Variants in SAE1 observed in about 807,000 individuals in gnomAD.
SAE1 encodes SUMO-activating enzyme subunit 1.
A neutral mutation model predicts 40.6 loss-of-function variants in SAE1; 11 were observed. The ratio of observed to expected loss-of-function variants is 0.27; its 90% CI spans 0.17 to 0.45. The LOEUF is 0.45. Among genes scored for constraint, SAE1 ranks in the 20% least tolerant of loss-of-function variants. SAE1 has a pLI of 1.00. For synonymous variants in SAE1, 155 were observed against 154.3 expected (o/e 1.00, Z -0.03); for missense variants, 373 against 427.3 (o/e 0.87, Z 1.12).
chr19:47,145,715 GGATTA>G (rs2058251908), intron 2 of SAE1, among the ~76,000 whole-genome samples: 1 of 152,084 alleles, frequency 6.6e-6, no homozygotes, highest in South Asian at 2.1e-4. Flanking sequence ...CTAGTAGCTG[GGATTA>G]CATAATTACT....
rs1335577029 is a variant in SAE1 at position 47,209,275 on chromosome 19, G to A, written c.*24G>A. ...GAACTCAAGATTTGGCAGCCCCAGAGATGCCAACTGCAGCATGCCCACCTG... is the reference window on the plus strand; with the variant it reads ...GAACTCAAGATTTGGCAGCCCCAGAAATGCCAACTGCAGCATGCCCACCTG... On this transcript the variant is annotated 3_prime_UTR_variant, in exon 9 of 9. Coordinates refer to ENST00000270225, the MANE Select transcript of SAE1 (RefSeq NM_005500.3). 6.2e-7 allele frequency: 1 copy of A among 1,614,146 alleles called. No individual in the cohort carries two copies. Among genetic ancestry groups the A allele is most frequent in the Non-Finnish European group, 8.5e-7 (1 of 1,180,020 alleles).
intron 8 of SAE1, among the ~76,000 whole-genome samples, chr19:47,206,866 C>T (rs1420153237): frequency 6.6e-6 from 1 of 152,242 alleles, no homozygotes; most frequent in Non-Finnish European, 1.5e-5. Flanking sequence ...CTCACCAAAA[C>T]TCTAGCAGGC....
At position 47,141,146 on chromosome 19, in the gene SAE1, C is replaced by T. The variant is rs886881713; in HGVS notation, c.99-2348C>T. The stretch of plus-strand genomic sequence containing the variant: ...TGTCCCGAGTAACTGGGACTACAGG[C>T]GCCTGCCACCACGCCTGGCTAATTT... On this transcript the variant is annotated intron_variant, in intron 1 of 8. Coordinates refer to ENST00000270225, the MANE Select transcript of SAE1 (RefSeq NM_005500.3). Among the ~76,000 whole-genome samples, 9 of 152,208 alleles carry T rather than the reference C, an allele frequency of 5.9e-5. No individual in the cohort carries two copies. In the East Asian group the frequency reaches 9.7e-4, roughly 16 times the overall value.
intron 1 of SAE1, among the ~76,000 whole-genome samples, chr19:47,143,289 G>A (rs1286682759): frequency 6.6e-6 from 1 of 152,078 alleles, no homozygotes; most frequent in African/African-American, 2.4e-5. Flanking sequence ...TATTTTAGTA[G>A]AGACGGGGTT....
intron 7 of SAE1, among the ~76,000 whole-genome samples, chr19:47,198,771 AC>A (rs915088247): frequency 2.0e-5 from 3 of 152,118 alleles, no homozygotes. Flanking sequence ...TCTTTGAAGC[AC>A]CTGTGGTGCC....
intron 3 of SAE1, among the ~76,000 whole-genome samples, chr19:47,151,794 C>T (rs748694489): frequency 3.9e-5 from 6 of 152,088 alleles, no homozygotes; most frequent in Non-Finnish European, 5.9e-5. Flanking sequence ...CCAGGTGTCC[C>T]TTGAACTTGT....
At position 47,182,496 on chromosome 19, in the gene SAE1, TGCGCGCACGCACGC is replaced by T. The variant is rs1209502732; in HGVS notation, c.733+12580_733+12593del. Among the ~76,000 whole-genome samples the T allele has an allele frequency of 1.2e-4, 18 of 146,044 alleles. No individual in the cohort carries two copies. The East Asian group carries it at 1.4e-3, about 12-fold the overall frequency. On this transcript the variant is annotated intron_variant, in intron 6 of 8. Coordinates refer to ENST00000270225, the MANE Select transcript of SAE1 (RefSeq NM_005500.3). ...GTGTGTGTGTGTGTGTGTGTGTGTG[TGCGCGCACGCACGC>T]GCGCGCGCACACCACTGCCTTATCA...
intron 6 of SAE1, among the ~76,000 whole-genome samples, chr19:47,182,493 G>GTT (rs1021973816): frequency 6.9e-6 from 1 of 143,962 alleles, no homozygotes; most frequent in Non-Finnish European, 1.5e-5. Flanking sequence ...GTGTGTGTGT[G>GTT]TGTGCGCGCA....
intron 7 of SAE1, 110 bp downstream of exon 7, chr19:47,197,487 C>T: frequency 1.2e-6 from 1 of 855,844 alleles, no homozygotes; most frequent in Non-Finnish European, 1.8e-6. Context: ...GAGCACCCTG[C>T]CACATTCTGC....
At chr19:47,198,578 AAGT>A (rs1411185128) in intron 7 of SAE1, among the ~76,000 whole-genome samples, 23 of 152,308 alleles carry the variant, frequency 1.5e-4, no homozygotes, top group African/African-American at 5.5e-4. Flanking sequence ...ATCAGGTAGT[AAGT>A]AGCCAACCCA....
At chr19:47,141,458 A>T (rs2058221645) in intron 1 of SAE1, among the ~76,000 whole-genome samples, 1 of 152,152 alleles carries the variant, frequency 6.6e-6, no homozygotes, top group African/African-American at 2.4e-5. Flanking sequence ...TGAATTTTAA[A>T]CAACTGCAGA....
intron 7 of SAE1, among the ~76,000 whole-genome samples, chr19:47,202,537 C>T (rs1463289968): frequency 2.0e-5 from 3 of 151,536 alleles, no homozygotes; most frequent in Admixed American, 6.6e-5. Context: ...CCGCCCACCT[C>T]GACCTCCCAA....
At chr19:47,208,126 A>T (rs1213668393) in intron 8 of SAE1, among the ~76,000 whole-genome samples, 4 of 152,188 alleles carry the variant, frequency 2.6e-5, no homozygotes, top group Non-Finnish European at 5.9e-5. Flanking sequence ...GTGTCCCCTT[A>T]GGTGATAAAG....
At chr19:47,166,812 A>G (rs935597355) in intron 5 of SAE1, among the ~76,000 whole-genome samples, 3 of 152,168 alleles carry the variant, frequency 2.0e-5, no homozygotes, top group Admixed American at 6.6e-5. Flanking sequence ...CGACTTCATG[A>G]CTTATCTTTT....
At chr19:47,137,703 T>TTGTGTGTGTGTG (rs35991953) in intron 1 of SAE1, among the ~76,000 whole-genome samples, 22 of 135,032 alleles carry the variant, frequency 1.6e-4, no homozygotes, top group African/African-American at 5.5e-4. Context: ...ACTCAGCTGA[T>TTGTGTGTGTGTG]TGTGTGTGTG....
In SAE1 at chr19:47,152,928, A is replaced by T. The variant is rs374924951; in HGVS notation, c.415A>T (p.Ile139Leu). 2 of 1,612,216 alleles carry T rather than the reference A, an allele frequency of 1.2e-6. No homozygotes were observed. Among genetic ancestry groups the T allele is most frequent in the Non-Finnish European group, 1.7e-6 (2 of 1,179,936 alleles). Residue 139 changes from isoleucine (I) to leucine (L), a missense_variant, in exon 4 of 9, where the codon ATA becomes TTA. Coordinates refer to ENST00000270225, the MANE Select transcript of SAE1 (RefSeq NM_005500.3). ...TCTGACTTGCTGCTCCAGGGATGTCATAGTTAAAGTTGACCAGATCTGTCA... is the reference window on the plus strand; with the variant it reads ...TCTGACTTGCTGCTCCAGGGATGTCTTAGTTAAAGTTGACCAGATCTGTCA... ...VCLTCCSRDV[I>L]VKVDQICHKN... is the part of the protein sequence containing the mutation.
rs1036211670 is a variant in SAE1, at chr19:47,209,572, G to A, written c.*321G>A. ...TCTGTCCTTATGCTGTCCCGGCCTC[G>A]CCAGCCCTCTGGGGCATTGTGGGAG... is the stretch of plus-strand genomic sequence containing the variant. On this transcript the variant is annotated 3_prime_UTR_variant, in exon 9 of 9. Coordinates refer to ENST00000270225, the MANE Select transcript of SAE1 (RefSeq NM_005500.3). The A allele has an allele frequency of 2.5e-5, 10 of 402,562 alleles. No homozygotes were observed. The highest frequency in any genetic ancestry group is 1.6e-4 in the African/African-American group (8 of 48,864). 24.9% of individuals were successfully genotyped at this position (402,562 alleles called of 1,614,324 possible). A position where few individuals can be genotyped will look rare whatever the true frequency, so the allele number is the denominator to read the frequency against.
rs371247946 is a variant in SAE1 at position 47,130,942 on chromosome 19, G to A, written c.12G>A (p.Lys4=). ...GAAGAGCCGGCGCCATGGTGGAGAA[G>A]GAGGAGGCTGGCGGCGGCATTAGCG... is the stretch of plus-strand genomic sequence containing the variant. MVE[K]EEAGGGISEE... The change falls in exon 1 of 9, where the codon AAG becomes AAA. Residue 4 remains lysine, a synonymous_variant. Transcript: ENST00000270225. The A allele has an allele frequency of 5.4e-5, 84 of 1,550,164 alleles. No homozygotes were observed. The East Asian group carries it at 1.8e-3, about 33-fold the overall frequency.
intron 7 of SAE1, among the ~76,000 whole-genome samples, chr19:47,201,049 T>A (rs1235285218): frequency 6.6e-6 from 1 of 151,414 alleles, no homozygotes; most frequent in Non-Finnish European, 1.5e-5. Flanking sequence ...TTATTTTTTT[T>A]ATTTTTTTTT....
Sources: gnomAD v4.1 joint callset for allele counts (sites outside exome capture counted in the v4.1 genomes callset) on GRCh38, gnomAD v4.1.1 for gene constraint, MANE v1.5 for transcripts, NCBI Gene and HGNC (gene_info 2026-07-23, HGNC 2026-07-21) for gene names.